Variants in CFAP276 observed in about 807,000 individuals in gnomAD.
CFAP276 encodes the protein cilia- and flagella-associated protein 276.
At chr1:109,110,699 C>A in the CFAP276 span, among the ~76,000 whole-genome samples, 1 of 152,188 alleles carries the variant, frequency 6.6e-6, no homozygotes, top group Non-Finnish European at 1.5e-5. Flanking sequence ...CATATGGGTA[C>A]CATAGCTCAT....
chr1:109,108,866 G>C, the CFAP276 span, among the ~76,000 whole-genome samples: 3 of 152,232 alleles, frequency 2.0e-5, no homozygotes, highest in African/African-American at 7.2e-5. Flanking sequence ...AGTCAGAGAC[G>C]AAATCAGGAG....
At chr1:109,113,416 AAGAGAGAGAGAG>A in the CFAP276 span, among the ~76,000 whole-genome samples, 3,837 of 68,030 alleles carry the variant, frequency 0.056, 181 homozygotes, top group Admixed American at 0.082. Flanking sequence ...GAGAGAGAGA[AAGAGAGAGAGAG>A]AGAGAGAGAG....
chr1:109,109,667 G>C, the CFAP276 span, among the ~76,000 whole-genome samples: 16 of 150,102 alleles, frequency 1.1e-4, no homozygotes, highest in Admixed American at 1.1e-3. Flanking sequence ...CTCCCGAATA[G>C]CTAGGATTAC....
the CFAP276 span, among the ~76,000 whole-genome samples, chr1:109,112,273 C>A: frequency 3.9e-5 from 6 of 152,208 alleles, no homozygotes; most frequent in Non-Finnish European, 8.8e-5. Context: ...TATCTCATTT[C>A]TCTTCAGAGA....
At chr1:109,110,691 T>A in the CFAP276 span, among the ~76,000 whole-genome samples, 25,458 of 152,162 alleles carry the variant, frequency 0.17, 2,786 homozygotes, top group East Asian at 0.44. Context: ...TCAACTACCA[T>A]ATGGGTACCA....
the CFAP276 span, among the ~76,000 whole-genome samples, chr1:109,111,532 C>G: frequency 6.6e-6 from 1 of 152,060 alleles, no homozygotes; most frequent in Non-Finnish European, 1.5e-5. Flanking sequence ...CCATAGCTAG[C>G]TAGCATGGTG....
the CFAP276 span, chr1:109,106,587 T>A: frequency 6.2e-7 from 1 of 1,613,988 alleles, no homozygotes; most frequent in African/African-American, 1.3e-5. Context: ...TGATCCAGTG[T>A]CTGATGTTAG....
the CFAP276 span, chr1:109,105,964 A>G: frequency 7.5e-7 from 1 of 1,330,794 alleles, no homozygotes; most frequent in Non-Finnish European, 1.1e-6. Context: ...ATCTTGCACA[A>G]ATCTATTTAA....
the CFAP276 span, among the ~76,000 whole-genome samples, chr1:109,109,533 CTT>C: frequency 0.025 from 2,842 of 114,652 alleles, 58 homozygotes; most frequent in African/African-American, 0.1. Flanking sequence ...TGAGCCATAC[CTT>C]TTTTTTTTTT....
chr1:109,108,982 A>G, the CFAP276 span, among the ~76,000 whole-genome samples: 6 of 152,288 alleles, frequency 3.9e-5, no homozygotes, highest in South Asian at 1.0e-3. Context: ...CTCTCAATAA[A>G]ACTCCACAGG....
chr1:109,109,466 CATT>C, the CFAP276 span, among the ~76,000 whole-genome samples: 1 of 149,966 alleles, frequency 6.7e-6, no homozygotes, highest in Non-Finnish European at 1.5e-5. Flanking sequence ...ATAGAACTCT[CATT>C]AGACCTATCC....
the CFAP276 span, among the ~76,000 whole-genome samples, chr1:109,111,018 C>A: frequency 1.3e-5 from 2 of 152,320 alleles, no homozygotes; most frequent in Admixed American, 1.3e-4. Context: ...ATCACCACCC[C>A]CTGTGGCACT....
chr1:109,113,467 A>AGAGAGAGAGAGAGAGG, the CFAP276 span, among the ~76,000 whole-genome samples: 136 of 126,356 alleles, frequency 1.1e-3, 9 homozygotes, highest in Non-Finnish European at 1.5e-3. Flanking sequence ...AGAGAGAGAG[A>AGAGAGAGAGAGAGAGG]GGCCCACGTG....
chr1:109,111,073 C>T, the CFAP276 span, among the ~76,000 whole-genome samples: 1 of 152,204 alleles, frequency 6.6e-6, no homozygotes. Context: ...CCTCACCTGC[C>T]TCCTAGCTGA....
the CFAP276 span, chr1:109,112,824 T>G: frequency 7.4e-7 from 1 of 1,356,158 alleles, no homozygotes; most frequent in Non-Finnish European, 9.7e-7. Context: ...GACAGAGGAA[T>G]TCCCTCAGAG....
the CFAP276 span, chr1:109,107,841 G>A: frequency 2.6e-6 from 3 of 1,169,176 alleles, no homozygotes; most frequent in Admixed American, 2.3e-5. Context: ...TCAGGCCACA[G>A]CATTCCACCC....
chr1:109,112,804 A>T, the CFAP276 span: 1 of 1,458,516 alleles, frequency 6.9e-7, no homozygotes. Flanking sequence ...GCAACTGCCC[A>T]GCCATCTATG....
chr1:109,106,891 C>G, the CFAP276 span: 4 of 927,034 alleles, frequency 4.3e-6, no homozygotes, highest in Admixed American at 2.5e-5. Flanking sequence ...TGTAAAAATA[C>G]AGAAATTTGT....
chr1:109,110,010 G>A, the CFAP276 span, among the ~76,000 whole-genome samples: 4 of 152,126 alleles, frequency 2.6e-5, no homozygotes, highest in Admixed American at 6.5e-5. Flanking sequence ...CTTAAACCTC[G>A]TCATCTCTGT....
Sources: gnomAD v4.1 joint callset for allele counts (sites outside exome capture counted in the v4.1 genomes callset) on GRCh38, gnomAD v4.1.1 for gene constraint, MANE v1.5 for transcripts, NCBI Gene and HGNC (gene_info 2026-07-23, HGNC 2026-07-21) for gene names.